The following PLCG2 variants were observed in gnomAD, a reference collection of about 807,000 sequenced individuals.
The protein encoded by PLCG2 is 1-phosphatidylinositol 4,5-bisphosphate phosphodiesterase gamma-2.
A neutral mutation model predicts 175.6 loss-of-function variants in PLCG2; 69 were observed. That is an observed-to-expected ratio of 0.39 (90% CI 0.32 to 0.48). The LOEUF (loss-of-function observed/expected upper bound fraction) is 0.48. Ranked by LOEUF, PLCG2 falls within the 20% of genes least tolerant of loss-of-function variation. The pLI is 0.91. For missense variants in PLCG2, 1,798 were observed against 1,650.9 expected, an observed-to-expected ratio of 1.09 and a Z score of -1.54; for synonymous variants, 827 against 624.0, an observed-to-expected ratio of 1.33 and a Z score of -4.85.
At chr16:81,908,720 A>C in intron 17 of PLCG2, 129 bp downstream of exon 17, 1 of 758,324 alleles carries the variant, frequency 1.3e-6, no homozygotes. Context: ...TCATTTGTCT[A>C]GCTCTTCTAG....
At chr16:81,943,138 AAACAGTCATTCCAGTTCATTCT>A (rs1390641499) in intron 30 of PLCG2, among the ~76,000 whole-genome samples, 1 of 152,102 alleles carries the variant, frequency 6.6e-6, no homozygotes, top group Non-Finnish European at 1.5e-5. Flanking sequence ...GCCATGGAGC[AAACAGTCATTCCAGTTCATTCT>A]AACAGTCAAT....
intron 20 of PLCG2, 58 bp from the exon 21 acceptor site, chr16:81,921,140 G>T: frequency 9.5e-7 from 1 of 1,051,014 alleles, no homozygotes; most frequent in Non-Finnish European, 1.5e-6. Context: ...CTTGTTATAT[G>T]TAAGGGCTAT....
In PLCG2 at chr16:81,956,721, C is replaced by A. The variant is rs1386427506; in HGVS notation, c.3597C>A (p.Ser1199=). The A allele has an allele frequency of 6.2e-7, 1 of 1,613,978 alleles. No homozygotes were observed. The highest frequency in any genetic ancestry group is 1.3e-5 in the African/African-American group (1 of 74,930). Residue 1199 remains serine, a synonymous_variant, in exon 32 of 33, where the codon TCC becomes TCA. Transcript: ENST00000564138. ...VLESEEELYS[S]CRQLRRRQEE... is the part of the protein sequence containing the mutation. Reference sequence around the variant, plus strand: ...AGAGCGAAGAGGAACTTTACTCCTCCTGTCGCCAGCTGAGGAGGCGGCAAG... The same window carrying A: ...AGAGCGAAGAGGAACTTTACTCCTCATGTCGCCAGCTGAGGAGGCGGCAAG...
At chr16:81,849,164 G>C (rs1404300236) in intron 2 of PLCG2, among the ~76,000 whole-genome samples, 1 of 152,122 alleles carries the variant, frequency 6.6e-6, no homozygotes, top group Admixed American at 6.6e-5. Context: ...TCACGGGAAG[G>C]CTTGATCCCA....
chr16:81,808,971 G>A (rs1904295893), intron 2 of PLCG2, among the ~76,000 whole-genome samples: 1 of 152,196 alleles, frequency 6.6e-6, no homozygotes, highest in African/African-American at 2.4e-5. Context: ...CTGCCTGTGA[G>A]GTTGGTGGTG....
intron 5 of PLCG2, among the ~76,000 whole-genome samples, chr16:81,861,887 C>T (rs563618824): frequency 6.6e-6 from 1 of 152,326 alleles, no homozygotes; most frequent in South Asian, 2.1e-4. Context: ...TCCATCTTCC[C>T]ATCGGCTGGT....
chr16:81,912,611 G>A lies in PLCG2; in HGVS notation c.1949G>A (p.Ser650Asn). ...CTGTGCCGCAGGTGGTACTATGACA[G>A]CCTGAGCCGCGGAGAGGCAGAGGAC... ...PHESKPWYYDSLSRGEAEDML... is the reference protein window; with the variant it reads ...PHESKPWYYDNLSRGEAEDML... The change falls in exon 19 of 33, where the codon AGC becomes AAC. Residue 650 changes from serine to asparagine, a missense_variant. Transcript: ENST00000564138. The A allele has an allele frequency of 6.2e-7, 1 of 1,613,078 alleles. No individual in the cohort carries two copies. The highest frequency in any genetic ancestry group is 1.1e-5 in the South Asian group (1 of 90,644).
At chr16:81,797,360 C>T (rs1567469151) in intron 2 of PLCG2, among the ~76,000 whole-genome samples, 1 of 152,156 alleles carries the variant, frequency 6.6e-6, no homozygotes, top group Non-Finnish European at 1.5e-5. Flanking sequence ...ATCAGGCTCG[C>T]AAAATTATGT....
At chr16:81,901,553 G>A (rs114641154) in intron 14 of PLCG2, among the ~76,000 whole-genome samples, 7 of 152,208 alleles carry the variant, frequency 4.6e-5, no homozygotes, top group East Asian at 3.9e-4. Flanking sequence ...AAGAATCCAC[G>A]GTTAGAATCA....
At chr16:81,794,275 G>T (rs1911367308) in intron 2 of PLCG2, among the ~76,000 whole-genome samples, 1 of 152,010 alleles carries the variant, frequency 6.6e-6, no homozygotes, top group South Asian at 2.1e-4. Flanking sequence ...TCTTTTCATG[G>T]AAAAAATGAA....
intron 26 of PLCG2, chr16:81,935,967 C>A (rs1372317648): frequency 3.0e-6 from 3 of 984,556 alleles, no homozygotes; most frequent in Non-Finnish European, 2.4e-6. Context: ...AAAACTAGGC[C>A]CCTTTTTAAT....
upstream of PLCG2, among the ~76,000 whole-genome samples, chr16:81,778,030 A>AAAAAAAC (rs56027201): frequency 1.2e-5 from 1 of 81,934 alleles, no homozygotes; most frequent in South Asian, 5.2e-4. Context: ...AAAAAAAAAA[A>AAAAAAAC]ACAAAAAAAA....
chr16:81,849,071 G>T (rs1277380904), intron 2 of PLCG2, among the ~76,000 whole-genome samples: 1 of 152,176 alleles, frequency 6.6e-6, no homozygotes, highest in Non-Finnish European at 1.5e-5. Flanking sequence ...TGGTGCAAGG[G>T]CTGGGAGGCA....
intron 2 of PLCG2, among the ~76,000 whole-genome samples, chr16:81,818,944 CA>C (rs1904675306): frequency 1.6e-5 from 2 of 127,344 alleles, no homozygotes; most frequent in South Asian, 5.1e-4. Context: ...AAAATAAATA[CA>C]GCTTTTTAGT....
At chr16:81,785,878 A>T (rs946416159) in intron 1 of PLCG2, 65 bp from the exon 2 acceptor site, 3 of 1,000,156 alleles carry the variant, frequency 3.0e-6, no homozygotes, top group Non-Finnish European at 4.5e-6. Flanking sequence ...CCTGAAGTTC[A>T]TGCCCTGTTA....
chr16:81,776,081 C>CGTTCTTTCTTTCTT (rs768932030), upstream of PLCG2, among the ~76,000 whole-genome samples: 1 of 110,586 alleles, frequency 9.0e-6, no homozygotes. Context: ...CTTTCTCTCT[C>CGTTCTTTCTTTCTT]TCTCTCTCTT....
At chr16:81,770,675 G>A (rs1848924699) in intron 2 of PLCG2, among the ~76,000 whole-genome samples, 1 of 152,104 alleles carries the variant, frequency 6.6e-6, no homozygotes, top group South Asian at 2.1e-4. Context: ...AGCTGAGATT[G>A]CGCCACTGCC....
intron 2 of PLCG2, among the ~76,000 whole-genome samples, chr16:81,762,055 G>T (rs1367607088): frequency 6.6e-6 from 1 of 151,606 alleles, no homozygotes; most frequent in African/African-American, 2.4e-5. Flanking sequence ...GGGTTGTCTG[G>T]AACTCCTGAC....
At chr16:81,748,597 G>A (rs543046255) in intron 1 of PLCG2, among the ~76,000 whole-genome samples, 1 of 152,070 alleles carries the variant, frequency 6.6e-6, no homozygotes, top group Non-Finnish European at 1.5e-5. Context: ...TACCCCTTGA[G>A]ACCTTTTGAA....
Sources: allele counts gnomAD v4.1 joint callset (sites outside exome capture counted in the v4.1 genomes callset), GRCh38; gene constraint gnomAD v4.1.1; transcripts MANE v1.5; gene names NCBI Gene and HGNC (gene_info 2026-07-23, HGNC 2026-07-21).